Variants in RAB2A observed in about 807,000 individuals in gnomAD.
The protein encoded by RAB2A is RAB2A, member RAS oncogene family.
Under a neutral mutation model 32.5 loss-of-function variants are expected in RAB2A, and 7 were observed. The ratio of observed to expected loss-of-function variants is 0.22; its 90% CI spans 0.12 to 0.40. The LOEUF (loss-of-function observed/expected upper bound fraction) is 0.40, where lower values mean the gene tolerates loss of function less well. Among genes scored for constraint, RAB2A ranks in the 10% least tolerant of loss-of-function variants. The probability of loss-of-function intolerance (pLI) is 1.00; values close to 1 mark genes in which losing one functional copy is unlikely to be tolerated. For missense variants in RAB2A, 108 were observed against 260.7 expected (o/e 0.41, Z 4.03); for synonymous variants, 79 against 85.2 (o/e 0.93, Z 0.40).
Position 60,551,237 on chromosome 8 carries a change from A to G in RAB2A, c.47-7615A>G, listed in dbSNP as rs117334057. 2.8e-4 allele frequency among the ~76,000 whole-genome samples: 42 copies of G among 152,306 alleles called. No homozygotes were observed. In the East Asian group the frequency reaches 8.1e-3, roughly 29 times the overall value. ...TCTGTATACATGTACACATTTGTGC[A>G]CACATGTTGGGAAAAAACAAGTTTA... On this transcript the variant is annotated intron_variant, in intron 1 of 7. Coordinates refer to ENST00000262646, the MANE Select transcript of RAB2A (RefSeq NM_002865.3).
At chr8:60,525,021 T>A (rs1022080179) in intron 1 of RAB2A, among the ~76,000 whole-genome samples, 1 of 152,224 alleles carries the variant, frequency 6.6e-6, no homozygotes, top group Non-Finnish European at 1.5e-5. Context: ...GCTTATTATC[T>A]GTTAATTCTT....
chr8:60,596,906 G>A (rs1356291157), intron 6 of RAB2A, among the ~76,000 whole-genome samples: 1 of 152,156 alleles, frequency 6.6e-6, no homozygotes, highest in Non-Finnish European at 1.5e-5. Context: ...CGGCGACAGA[G>A]TGAGACTCTG....
At chr8:60,549,227 C>T (rs1404251110) in intron 1 of RAB2A, among the ~76,000 whole-genome samples, 2 of 152,110 alleles carry the variant, frequency 1.3e-5, no homozygotes, top group African/African-American at 4.8e-5. Flanking sequence ...TCCTCACTTC[C>T]CAGACGGGGT....
chr8:60,600,079 AAC>A (rs1554558619), intron 6 of RAB2A, among the ~76,000 whole-genome samples: 9 of 152,134 alleles, frequency 5.9e-5, no homozygotes, highest in African/African-American at 2.2e-4. Context: ...AAAAAAAAAA[AAC>A]AATGCAATTA....
chr8:60,539,666 C>T (rs1038823768), intron 1 of RAB2A, among the ~76,000 whole-genome samples: 7 of 152,102 alleles, frequency 4.6e-5, no homozygotes, highest in African/African-American at 1.7e-4. Flanking sequence ...TATAGTCTAG[C>T]TGTGCTTGTA....
intron 1 of RAB2A, among the ~76,000 whole-genome samples, chr8:60,529,009 A>G (rs1052238045): frequency 2.6e-5 from 4 of 152,336 alleles, no homozygotes; most frequent in Middle Eastern, 3.4e-3. Context: ...AAAACAGTGT[A>G]ACAGATCTTG....
intron 1 of RAB2A, among the ~76,000 whole-genome samples, chr8:60,536,853 ATGATTCAGAATCAAAAAACTTGATTT>A (rs1474599221): frequency 6.6e-6 from 1 of 152,216 alleles, no homozygotes; most frequent in African/African-American, 2.4e-5. Flanking sequence ...GGAAGAAAAT[ATGATTCAGAATCAAAAAACTTGATTT>A]TGAGTTTCTG....
Position 60,542,518 on chromosome 8 carries a change from AAAAAG to A in RAB2A, c.47-16330_47-16326del, listed in dbSNP as rs528226816. Among the ~76,000 whole-genome samples, 56 of 152,298 alleles carry A rather than the reference AAAAAG, an allele frequency of 3.7e-4. 1 individual carries two copies. In the South Asian group the frequency reaches 0.011, roughly 31 times the overall value. ...CGACAGAGTGAGAATCCGTCAAAAA[AAAAAG>A]AAAGAACACTTAATAAATGTATGCA... On this transcript the variant is annotated intron_variant, in intron 1 of 7. Transcript: ENST00000262646.
intron 1 of RAB2A, among the ~76,000 whole-genome samples, chr8:60,526,114 A>T (rs2130807155): frequency 6.7e-6 from 1 of 149,274 alleles, no homozygotes; most frequent in South Asian, 2.1e-4. Context: ...AAACAACATG[A>T]ATTTATCTTA....
intron 1 of RAB2A, among the ~76,000 whole-genome samples, chr8:60,531,797 G>GGT (rs1807480059): frequency 8.1e-6 from 1 of 123,844 alleles, no homozygotes; most frequent in South Asian, 2.8e-4. Context: ...CTTCTACCTT[G>GGT]ATTTTTTTTT....
At chr8:60,545,347 C>A (rs1020294290) in intron 1 of RAB2A, among the ~76,000 whole-genome samples, 4 of 152,084 alleles carry the variant, frequency 2.6e-5, no homozygotes, top group African/African-American at 9.7e-5. Flanking sequence ...CACTGTCACC[C>A]AGGCTGTAGT....
At chr8:60,589,769 T>C (rs760532619) in intron 5 of RAB2A, among the ~76,000 whole-genome samples, 25 of 152,196 alleles carry the variant, frequency 1.6e-4, no homozygotes, top group African/African-American at 2.2e-4. Flanking sequence ...CGTCAAGTAC[T>C]ATGGCTTTTG....
At chr8:60,532,504 A>G (rs1441165878) in intron 1 of RAB2A, among the ~76,000 whole-genome samples, 1 of 152,064 alleles carries the variant, frequency 6.6e-6, no homozygotes, top group South Asian at 2.1e-4. Flanking sequence ...TACTGGTTTC[A>G]TAGCTACGTG....
intron 1 of RAB2A, among the ~76,000 whole-genome samples, chr8:60,554,494 G>A (rs961596674): frequency 3.3e-5 from 5 of 152,188 alleles, no homozygotes; most frequent in African/African-American, 9.7e-5. Flanking sequence ...GGAGGATGAT[G>A]AACAAGAGAA....
intron 1 of RAB2A, among the ~76,000 whole-genome samples, chr8:60,522,814 A>G (rs1302792125): frequency 6.6e-6 from 1 of 152,134 alleles, no homozygotes; most frequent in African/African-American, 2.4e-5. Flanking sequence ...GGGAGACTCA[A>G]ATTTGAGTTT....
intron 1 of RAB2A, among the ~76,000 whole-genome samples, chr8:60,528,447 C>T (rs1807425363): frequency 6.6e-6 from 1 of 152,150 alleles, no homozygotes; most frequent in Non-Finnish European, 1.5e-5. Flanking sequence ...GTGTCTAATG[C>T]TAATAATAGC....
intron 6 of RAB2A, among the ~76,000 whole-genome samples, chr8:60,597,162 G>C (rs1450730619): frequency 2.0e-5 from 3 of 151,988 alleles, no homozygotes; most frequent in Non-Finnish European, 4.4e-5. Flanking sequence ...TTGCAGCACT[G>C]TTCACAATAG....
intron 1 of RAB2A, among the ~76,000 whole-genome samples, chr8:60,545,375 T>A (rs1055846786): frequency 6.6e-6 from 1 of 152,084 alleles, no homozygotes; most frequent in African/African-American, 2.4e-5. Context: ...GACGATAACA[T>A]CTCAGCCTCC....
chr8:60,589,287 A>G (rs1237275991), intron 5 of RAB2A, among the ~76,000 whole-genome samples: 1 of 152,226 alleles, frequency 6.6e-6, no homozygotes, highest in Non-Finnish European at 1.5e-5. Flanking sequence ...TAGTATGTAA[A>G]CGAGATGTTT....
Sources: gnomAD v4.1 joint callset for allele counts (sites outside exome capture counted in the v4.1 genomes callset) on GRCh38, gnomAD v4.1.1 for gene constraint, MANE v1.5 for transcripts, NCBI Gene and HGNC (gene_info 2026-07-23, HGNC 2026-07-21) for gene names.